The following MANBA variants were observed in gnomAD, a reference collection of about 807,000 sequenced individuals.
MANBA encodes mannosidase beta.
In MANBA, 83 loss-of-function variants were observed where a neutral mutation model predicts 111.1. The ratio of observed to expected loss-of-function variants is 0.75; its 90% CI spans 0.63 to 0.90. MANBA has a LOEUF of 0.90. MANBA is among the 40% of genes least tolerant of loss of function. The probability of loss-of-function intolerance (pLI) is 0.00; values close to 1 mark genes in which losing one functional copy is unlikely to be tolerated. For synonymous variants in MANBA, 370 were observed against 378.7 expected (o/e 0.98, Z 0.27); for missense variants, 1,036 against 1,069.0 (o/e 0.97, Z 0.43).
intron 1 of MANBA, among the ~76,000 whole-genome samples, chr4:102,746,958 C>T (rs1218386168): frequency 2.8e-5 from 4 of 144,358 alleles, no homozygotes; most frequent in East Asian, 2.0e-4. Context: ...GGTGACAGAG[C>T]GAGACTCCAT....
rs748263949 is a variant in MANBA, at chr4:102,671,271, A to T, written c.1230+10T>A. 1.4e-6 allele frequency: 2 copies of T among 1,475,800 alleles called. No individual in the cohort carries two copies. Among genetic ancestry groups the T allele is most frequent in the East Asian group, 4.5e-5 (2 of 44,104 alleles). 91.4% of individuals were successfully genotyped at this position (1,475,800 alleles called of 1,614,324 possible). On this transcript the variant is annotated intron_variant, in intron 9 of 16. Transcript: ENST00000647097. ...ACTTATCAATATATAAAATGCTATC[A>T]ACTTCTCACCATTATTCCTAGTTCA...
At chr4:102,728,164 C>G in intron 1 of MANBA, 1 of 539,230 alleles carries the variant, frequency 1.9e-6, no homozygotes. Flanking sequence ...CTGCTAACTT[C>G]TCATGCCCCT....
rs566058996 is a variant in MANBA, at chr4:102,663,436, A to G, written c.1485+1249T>C. Among the ~76,000 whole-genome samples, 7 of 152,360 alleles carry G rather than the reference A, an allele frequency of 4.6e-5. No individual in the cohort carries two copies. The South Asian group carries it at 1.0e-3, about 23-fold the overall frequency. On this transcript the variant is annotated intron_variant, in intron 11 of 16. Coordinates refer to ENST00000647097, the MANE Select transcript of MANBA (RefSeq NM_005908.4). ...TATAAATCCATCAAACATGAAAAAC[A>G]TAATATCAATATTGTGAATAAAAAG...
intron 5 of MANBA, among the ~76,000 whole-genome samples, chr4:102,712,073 T>C (rs967922505): frequency 6.6e-6 from 1 of 152,208 alleles, no homozygotes; most frequent in Non-Finnish European, 1.5e-5. Context: ...ACTTGAAATA[T>C]TCCCAACATA....
At position 102,634,809 on chromosome 4, in the gene MANBA, C is replaced by T. The variant is rs866351231; in HGVS notation, c.2394G>A (p.Gly798=). The T allele has an allele frequency of 6.2e-7, 1 of 1,613,806 alleles. No individual in the cohort carries two copies. The change falls in exon 16 of 17, where the codon GGG becomes GGA. Residue 798 remains glycine (G), a synonymous_variant. Transcript: ENST00000647097. ...HFLSSPKEAV[G]LCKAQITAII... ...TTACAGTGATCTGCGCCTTGCAGAG[C>T]CCCACGGCCTCCTTCGGTGAGGACA...
chr4:102,694,099 T>C (rs1732601071), intron 5 of MANBA, among the ~76,000 whole-genome samples: 1 of 152,152 alleles, frequency 6.6e-6, no homozygotes, highest in African/African-American at 2.4e-5. Context: ...TCAAAGGTCA[T>C]CGGCAAAATT....
intron 16 of MANBA, among the ~76,000 whole-genome samples, chr4:102,633,942 A>G (rs1008449089): frequency 2.0e-5 from 3 of 152,228 alleles, no homozygotes; most frequent in African/African-American, 7.2e-5. Flanking sequence ...GTGTTTTTAT[A>G]TGATTATTTC....
intron 13 of MANBA, among the ~76,000 whole-genome samples, chr4:102,640,131 C>G (rs1281742249): frequency 6.6e-6 from 1 of 152,010 alleles, no homozygotes; most frequent in African/African-American, 2.4e-5. Flanking sequence ...GTAAAAGGTT[C>G]TCTGCTAATG....
intron 1 of MANBA, chr4:102,734,718 T>G: frequency 3.9e-6 from 3 of 767,504 alleles, no homozygotes; most frequent in Non-Finnish European, 6.3e-6. Flanking sequence ...GTTCAGGGTC[T>G]GAGGAGGCTG....
chr4:102,743,909 C>T (rs1723500055), intron 1 of MANBA, among the ~76,000 whole-genome samples: 1 of 152,200 alleles, frequency 6.6e-6, no homozygotes. Context: ...TGCCATGATT[C>T]AGCTATGAGG....
At chr4:102,651,171 G>C (rs1730315984) in intron 12 of MANBA, among the ~76,000 whole-genome samples, 1 of 151,984 alleles carries the variant, frequency 6.6e-6, no homozygotes, top group Non-Finnish European at 1.5e-5. Context: ...GGGATACTAT[G>C]AGAGTAGATG....
intron 1 of MANBA, among the ~76,000 whole-genome samples, chr4:102,742,539 C>G (rs1723440893): frequency 6.6e-6 from 1 of 152,164 alleles, no homozygotes; most frequent in African/African-American, 2.4e-5. Context: ...GCCATTCCAC[C>G]ATTCTATCAA....
intron 12 of MANBA, among the ~76,000 whole-genome samples, chr4:102,657,217 T>TG (rs1436053943): frequency 7.3e-5 from 1 of 13,650 alleles, no homozygotes. Flanking sequence ...GAGAGAGGAG[T>TG]GGGGTGGGGG....
At chr4:102,695,941 A>G (rs1475418567) in intron 5 of MANBA, among the ~76,000 whole-genome samples, 1 of 152,152 alleles carries the variant, frequency 6.6e-6, no homozygotes, top group Non-Finnish European at 1.5e-5. Flanking sequence ...AAGAATACTG[A>G]AATGGGCAGG....
intron 10 of MANBA, chr4:102,667,789 G>C (rs1731293482): frequency 6.6e-6 from 1 of 152,150 alleles, no homozygotes; most frequent in African/African-American, 2.4e-5. Context: ...ATTGAAATCA[G>C]AGTCAATAAT....
At chr4:102,730,061 G>C (rs1722973379) in intron 1 of MANBA, 7 of 816,298 alleles carry the variant, frequency 8.6e-6, no homozygotes, top group Non-Finnish European at 9.8e-6. Flanking sequence ...CTAGGGAGAA[G>C]CCTGAGGAGC....
At chr4:102,724,787 C>CA (rs140885969) in intron 2 of MANBA, among the ~76,000 whole-genome samples, 1,657 of 152,144 alleles carry the variant, frequency 0.011, 33 homozygotes, top group African/African-American at 0.038. Flanking sequence ...CAAGTGCTAT[C>CA]AGAGTTTATC....
intron 11 of MANBA, chr4:102,659,056 AAG>A (rs375544725): frequency 2.6e-5 from 4 of 151,594 alleles, no homozygotes; most frequent in South Asian, 4.2e-4. Context: ...GAGACAGAGA[AAG>A]AGAGAGAGAG....
intron 7 of MANBA, among the ~76,000 whole-genome samples, chr4:102,677,707 G>T (rs1560768113): frequency 6.6e-6 from 1 of 152,100 alleles, no homozygotes; most frequent in Admixed American, 6.6e-5. Flanking sequence ...TGTTTCAACC[G>T]AAACAACATA....
Sources: allele counts gnomAD v4.1 joint callset (sites outside exome capture counted in the v4.1 genomes callset), GRCh38; gene constraint gnomAD v4.1.1; transcripts MANE v1.5; gene names NCBI Gene and HGNC (gene_info 2026-07-23, HGNC 2026-07-21).